Variants in NRXN3 observed in about 807,000 individuals in gnomAD.
NRXN3 encodes the protein neurexin III.
In NRXN3, 32 loss-of-function variants were observed where a neutral mutation model predicts 137.6. The ratio of observed to expected loss-of-function variants is 0.23; its 90% CI spans 0.18 to 0.31. The LOEUF (loss-of-function observed/expected upper bound fraction) is 0.31. Among genes scored for constraint, NRXN3 ranks in the 10% least tolerant of loss-of-function variants. The pLI is 1.00. For synonymous variants in NRXN3, 798 were observed against 784.5 expected (o/e 1.02, Z -0.29); for missense variants, 1,574 against 2,062.5 (o/e 0.76, Z 4.59).
intron 4 of NRXN3, among the ~76,000 whole-genome samples, chr14:78,323,492 T>C (rs893833119): frequency 3.3e-5 from 5 of 152,042 alleles, no homozygotes; most frequent in Non-Finnish European, 7.4e-5. Context: ...GGAAATTAAA[T>C]GTGTGCAGTT....
intron 10 of NRXN3, among the ~76,000 whole-genome samples, chr14:78,882,823 C>T (rs1049094278): frequency 1.3e-5 from 2 of 151,288 alleles, no homozygotes; most frequent in Admixed American, 6.6e-5. Context: ...TTGTGAGGGG[C>T]CAGGGGCAGA....
At chr14:78,443,882 ATCAGGGAACAG>A (rs2094334276) in intron 4 of NRXN3, among the ~76,000 whole-genome samples, 1 of 152,218 alleles carries the variant, frequency 6.6e-6, no homozygotes, top group Admixed American at 6.5e-5. Flanking sequence ...CCACACTGTC[ATCAGGGAACAG>A]TTAGTAGCAT....
intron 4 of NRXN3, among the ~76,000 whole-genome samples, chr14:78,495,779 C>T (rs529862457): frequency 1.1e-4 from 17 of 152,302 alleles, no homozygotes; most frequent in Non-Finnish European, 1.2e-4. Context: ...GTGAAGGTGA[C>T]AGTCTTCTGG....
At chr14:79,269,001 C>T (rs770187696) in intron 15 of NRXN3, among the ~76,000 whole-genome samples, 2 of 151,774 alleles carry the variant, frequency 1.3e-5, no homozygotes, top group African/African-American at 2.4e-5. Context: ...GTTATTAACT[C>T]TCTCTCATGG....
chr14:78,421,916 G>A (rs369864694), intron 4 of NRXN3, among the ~76,000 whole-genome samples: 14 of 152,080 alleles, frequency 9.2e-5, no homozygotes, highest in African/African-American at 2.4e-4. Context: ...AGCAACAAGC[G>A]CCAGCTATTT....
rs555429759 is a variant in NRXN3, at chr14:79,445,600, A to G, written c.3263-21621A>G. On this transcript the variant is annotated intron_variant, in intron 15 of 20. Transcript: ENST00000335750. The stretch of plus-strand genomic sequence containing the variant: ...TTGCTACTTTTGATTGTGGTCAAGA[A>G]AAGCTTTTCAGGAGATCACCCTTGG... 9.2e-4 allele frequency among the ~76,000 whole-genome samples: 140 copies of G among 152,298 alleles called. No homozygotes were observed. In the Middle Eastern group the frequency reaches 0.017, roughly 19 times the overall value.
chr14:78,607,413 G>A (rs1449730874), intron 4 of NRXN3, among the ~76,000 whole-genome samples: 5 of 152,050 alleles, frequency 3.3e-5, no homozygotes, highest in African/African-American at 4.8e-5. Flanking sequence ...GTCTCTTTAG[G>A]CAAACCCAGG....
At chr14:79,843,184 C>T (rs1160429339) in intron 20 of NRXN3, among the ~76,000 whole-genome samples, 1 of 152,014 alleles carries the variant, frequency 6.6e-6, no homozygotes, top group Non-Finnish European at 1.5e-5. Context: ...GGTTCCAAAC[C>T]ATTTCAACAA....
intron 10 of NRXN3, among the ~76,000 whole-genome samples, chr14:78,863,367 G>T (rs1421790291): frequency 6.6e-6 from 1 of 152,110 alleles, no homozygotes; most frequent in Non-Finnish European, 1.5e-5. Context: ...AACGTGCTCT[G>T]CAACTCAGTC....
intron 15 of NRXN3, among the ~76,000 whole-genome samples, chr14:79,212,564 C>T (rs1208561025): frequency 6.6e-6 from 1 of 152,132 alleles, no homozygotes; most frequent in East Asian, 1.9e-4. Context: ...GATGCCAGGC[C>T]TGTTAATACC....
intron 8 of NRXN3, among the ~76,000 whole-genome samples, chr14:78,782,572 T>C (rs1295061602): frequency 1.3e-5 from 2 of 152,208 alleles, no homozygotes; most frequent in African/African-American, 4.8e-5. Context: ...AGCCTTGCTA[T>C]GCCTAATATG....
At chr14:79,485,834 T>C (rs116314413) in intron 16 of NRXN3, among the ~76,000 whole-genome samples, 124 of 152,282 alleles carry the variant, frequency 8.1e-4, no homozygotes, top group African/African-American at 2.8e-3. Context: ...TTTAACGTAC[T>C]GTTAGAGCAA....
At chr14:78,575,494 C>T (rs1468603166) in intron 4 of NRXN3, among the ~76,000 whole-genome samples, 3 of 152,208 alleles carry the variant, frequency 2.0e-5, no homozygotes, top group African/African-American at 7.2e-5. Flanking sequence ...AATGCTTGAT[C>T]TCTGGGGATT....
chr14:78,702,693 C>G (rs2098298829), intron 6 of NRXN3, among the ~76,000 whole-genome samples: 1 of 152,120 alleles, frequency 6.6e-6, no homozygotes, highest in African/African-American at 2.4e-5. Flanking sequence ...ATCCACCTGA[C>G]TTGGCCTCCC....
intron 4 of NRXN3, among the ~76,000 whole-genome samples, chr14:78,531,206 G>A (rs2096457094): frequency 6.6e-6 from 1 of 152,174 alleles, no homozygotes; most frequent in Non-Finnish European, 1.5e-5. Flanking sequence ...AGCTGATGGA[G>A]ATTAGCCAAA....
intron 19 of NRXN3, among the ~76,000 whole-genome samples, chr14:79,791,524 T>C (rs1351643349): frequency 8.3e-6 from 1 of 120,052 alleles, no homozygotes; most frequent in African/African-American, 3.5e-5. Flanking sequence ...ATTAATTATA[T>C]ATTATAATAA....
At chr14:79,258,050 A>T (rs1290342855) in intron 15 of NRXN3, among the ~76,000 whole-genome samples, 2 of 152,198 alleles carry the variant, frequency 1.3e-5, no homozygotes, top group African/African-American at 4.8e-5. Flanking sequence ...TGTTTAAGTT[A>T]GTAATCACTG....
chr14:78,286,100 G>C (rs555627725), intron 3 of NRXN3, among the ~76,000 whole-genome samples: 10 of 152,260 alleles, frequency 6.6e-5, no homozygotes, highest in Admixed American at 6.5e-4. Context: ...GACCCACCGG[G>C]GTATTGGTTA....
At position 78,714,772 on chromosome 14, in the gene NRXN3, C is replaced by T. The variant is rs374688947; in HGVS notation, c.1677C>T (p.Asn559=). 1.5e-5 allele frequency: 24 copies of T among 1,613,872 alleles called. No homozygotes were observed. The African/African-American group carries it at 2.9e-4, about 20-fold the overall frequency. ...CCACCCCAGGTACTATATCAGTGAA[C>T]AGCAGGCGCACGCCATTCACCGCCA... The part of the protein sequence containing the change: ...RDGRSGTISV[N]SRRTPFTASG... Residue 559 remains asparagine, a synonymous_variant, in exon 8 of 21, where the codon AAC becomes AAT. Transcript: ENST00000335750.
Sources: gnomAD v4.1 joint callset for allele counts (sites outside exome capture counted in the v4.1 genomes callset) on GRCh38, gnomAD v4.1.1 for gene constraint, MANE v1.5 for transcripts, NCBI Gene and HGNC (gene_info 2026-07-23, HGNC 2026-07-21) for gene names.